The following HINT3 variants were observed in gnomAD, a reference collection of about 807,000 sequenced individuals.
The protein encoded by HINT3 is adenosine 5'-monophosphoramidase HINT3.
Under a neutral mutation model 19.1 loss-of-function variants are expected in HINT3, and 16 were observed. The observed-to-expected ratio is 0.84, with a 90% CI of 0.57 to 1.27. HINT3 has a LOEUF of 1.27. HINT3 is among the 50% of genes most tolerant of loss of function. The probability of loss-of-function intolerance (pLI) is 0.00; values close to 1 mark genes in which losing one functional copy is unlikely to be tolerated. For missense variants in HINT3, 197 were observed against 225.8 expected (o/e 0.87, Z 0.82); for synonymous variants, 75 against 84.8 (o/e 0.88, Z 0.63).
chr6:125,968,649 T>C (rs2128711444), intron 2 of HINT3, among the ~76,000 whole-genome samples: 1 of 152,336 alleles, frequency 6.6e-6, no homozygotes, highest in Non-Finnish European at 1.5e-5. Context: ...AAGTGTTATG[T>C]TTTCTCTTCT....
chr6:125,960,330 A>C (rs1428617215), intron 1 of HINT3, among the ~76,000 whole-genome samples: 3 of 152,158 alleles, frequency 2.0e-5, no homozygotes, highest in African/African-American at 7.2e-5. Flanking sequence ...GGATTTTGCC[A>C]TGTGGTTGTT....
At chr6:125,974,378 G>A (rs1298453959) in intron 3 of HINT3, among the ~76,000 whole-genome samples, 2 of 151,988 alleles carry the variant, frequency 1.3e-5, no homozygotes, top group East Asian at 3.8e-4. Flanking sequence ...TCTCACTACT[G>A]AAATATTGTT....
At position 125,979,153 on chromosome 6, in the gene HINT3, A is replaced by G. The variant is rs1274118108; in HGVS notation, c.*1477A>G. ...GAGAAACTTACAAGTATTTTCGTTG[A>G]GTTCTGCTTCCACTATTATTTACTT... is the stretch of plus-strand genomic sequence containing the variant. On this transcript the variant is annotated 3_prime_UTR_variant, in exon 5 of 5. Coordinates refer to ENST00000229633, the MANE Select transcript of HINT3 (RefSeq NM_138571.5). 5 of 152,198 alleles carry G rather than the reference A, an allele frequency of 3.3e-5. No homozygotes were observed. 9.4% of individuals were successfully genotyped at this position (152,198 alleles called of 1,614,324 possible).
In HINT3 at chr6:125,962,161, CACATATATATAT is replaced by C. The variant is rs1218805624; in HGVS notation, c.202-4724_202-4713del. Among the ~76,000 whole-genome samples the C allele has an allele frequency of 3.0e-3, 297 of 99,824 alleles. 32 individuals carry two copies. The highest frequency in any genetic ancestry group is 0.011 in the African/African-American group (251 of 22,472). 65.5% of individuals were successfully genotyped at this position (99,824 alleles called of 152,430 possible). The stretch of plus-strand genomic sequence containing the variant: ...GTGGATGGAAACCCATATATATATA[CACATATATATAT>C]ATATATATATATACACATATATATA... On this transcript the variant is annotated intron_variant, in intron 1 of 4. Coordinates refer to ENST00000229633, the MANE Select transcript of HINT3 (RefSeq NM_138571.5).
chr6:125,971,418 T>C (rs925451626), intron 2 of HINT3, among the ~76,000 whole-genome samples: 4 of 152,246 alleles, frequency 2.6e-5, no homozygotes, highest in African/African-American at 9.6e-5. Context: ...AAAGTCTACT[T>C]ATCTGTGAGA....
At chr6:125,959,059 C>G (rs1788881526) in intron 1 of HINT3, among the ~76,000 whole-genome samples, 1 of 152,058 alleles carries the variant, frequency 6.6e-6, no homozygotes, top group Non-Finnish European at 1.5e-5. Flanking sequence ...TGGGAGGTAG[C>G]AAAGCGATGA....
intron 1 of HINT3, among the ~76,000 whole-genome samples, chr6:125,966,032 T>C (rs571925361): frequency 6.6e-6 from 1 of 152,310 alleles, no homozygotes; most frequent in Admixed American, 6.5e-5. Flanking sequence ...ATGGATTTTT[T>C]CTAAGGGAAA....
At chr6:125,966,778 C>T in intron 1 of HINT3, 109 bp from the exon 2 acceptor site, 1 of 673,510 alleles carries the variant, frequency 1.5e-6, no homozygotes, top group Non-Finnish European at 2.5e-6. Context: ...TTAGGTGTAA[C>T]ATAAGTATCA....
In HINT3 at chr6:125,977,625, G is replaced by T. The variant is rs1789197220; in HGVS notation, c.517-19G>T. The stretch of plus-strand genomic sequence containing the variant: ...AGACTATGATATCTAGAATTAAAAA[G>T]TATGTTTTTTAATTACAGGCTGATC... On this transcript the variant is annotated intron_variant, in intron 4 of 4. Coordinates refer to ENST00000229633, the MANE Select transcript of HINT3 (RefSeq NM_138571.5). 1 of 1,329,214 alleles carries T rather than the reference G, an allele frequency of 7.5e-7. No individual in the cohort carries two copies. Among genetic ancestry groups the T allele is most frequent in the Non-Finnish European group, 1.0e-6 (1 of 952,738 alleles). 82.3% of individuals were successfully genotyped at this position (1,329,214 alleles called of 1,614,324 possible).
chr6:125,971,615 G>A (rs144488370), intron 2 of HINT3, among the ~76,000 whole-genome samples: 1 of 151,040 alleles, frequency 6.6e-6, no homozygotes, highest in African/African-American at 2.4e-5. Flanking sequence ...GCTCACTGCA[G>A]CCTCGACCTC....
At chr6:125,968,623 C>T (rs1034864363) in intron 2 of HINT3, among the ~76,000 whole-genome samples, 1 of 152,134 alleles carries the variant, frequency 6.6e-6, no homozygotes, top group Non-Finnish European at 1.5e-5. Flanking sequence ...AATTTACATT[C>T]TCATCAACAG....
At chr6:125,957,285 T>C (rs1231113467) in intron 1 of HINT3, 107 bp downstream of exon 1, 16 of 1,216,940 alleles carry the variant, frequency 1.3e-5, no homozygotes, top group Non-Finnish European at 1.7e-5. Context: ...TCCCGATCGC[T>C]ACTCAGCTCG....
At chr6:125,975,221 A>G (rs886906654) in intron 4 of HINT3, among the ~76,000 whole-genome samples, 1 of 152,208 alleles carries the variant, frequency 6.6e-6, no homozygotes, top group Non-Finnish European at 1.5e-5. Context: ...TAGAAGAACC[A>G]TGGTATTCAG....
In HINT3 at chr6:125,977,678, A is replaced by C. The variant is rs772812993; in HGVS notation, c.*2A>C. On this transcript the variant is annotated 3_prime_UTR_variant, in exon 5 of 5. Transcript: ENST00000229633. ...TTGATTGAAAAACTAAGAACATGAA[A>C]ATGTCAAGAGTGGAAGATTTTTCTA... 1 of 1,513,228 alleles carries C rather than the reference A, an allele frequency of 6.6e-7. No homozygotes were observed. Among genetic ancestry groups the C allele is most frequent in the Non-Finnish European group, 9.0e-7 (1 of 1,115,666 alleles). 93.7% of individuals were successfully genotyped at this position (1,513,228 alleles called of 1,614,324 possible).
chr6:125,967,041 T>A lies in HINT3; in HGVS notation c.319+37T>A. 3.9e-6 allele frequency: 5 copies of A among 1,281,658 alleles called. No individual in the cohort carries two copies. The Middle Eastern group carries it at 9.3e-4, about 237-fold the overall frequency. 79.4% of individuals were successfully genotyped at this position (1,281,658 alleles called of 1,614,324 possible). A position where few individuals can be genotyped will look rare whatever the true frequency, so the allele number is the denominator to read the frequency against. ...GCAGTATTCTTCATGTTTATATCAT[T>A]TTCAGTTGGTATCAGTGATGGCAGT... On this transcript the variant is annotated intron_variant, in intron 2 of 4. Coordinates refer to ENST00000229633, the MANE Select transcript of HINT3 (RefSeq NM_138571.5).
chr6:125,971,702 C>CTTTTTTT (rs142105115), intron 2 of HINT3, among the ~76,000 whole-genome samples: 2 of 59,628 alleles, frequency 3.4e-5, no homozygotes, highest in Admixed American at 2.7e-4. Flanking sequence ...GCCTGGCTAC[C>CTTTTTTT]TTTTTTTTTT....
At chr6:125,972,193 G>C in intron 2 of HINT3, 66 bp from the exon 3 acceptor site, 1 of 1,021,914 alleles carries the variant, frequency 9.8e-7, no homozygotes, top group Admixed American at 2.2e-5. Flanking sequence ...CAAGAGTGAA[G>C]ATCAATGGCA....
chr6:125,962,201 TATATATATACAC>T (rs1788940814), intron 1 of HINT3, among the ~76,000 whole-genome samples: 1 of 48,902 alleles, frequency 2.0e-5, no homozygotes, highest in African/African-American at 1.8e-4. Context: ...TATATATATA[TATATATATACAC>T]ATATATATAT....
chr6:125,972,600 A>G (rs1789117232), intron 3 of HINT3, among the ~76,000 whole-genome samples: 1 of 152,158 alleles, frequency 6.6e-6, no homozygotes, highest in South Asian at 2.1e-4. Context: ...TTTTAAAAAA[A>G]AATTTTTGAG....
Sources: gnomAD v4.1 joint callset for allele counts (sites outside exome capture counted in the v4.1 genomes callset) on GRCh38, gnomAD v4.1.1 for gene constraint, MANE v1.5 for transcripts, NCBI Gene and HGNC (gene_info 2026-07-23, HGNC 2026-07-21) for gene names.